FGD2: variants seen among roughly 807,000 people sequenced by gnomAD.
The protein encoded by FGD2 is FYVE, RhoGEF and PH domain containing 2.
In FGD2, 52 loss-of-function variants were observed where a neutral mutation model predicts 75.9. The observed-to-expected ratio is 0.69, with a 90% CI of 0.55 to 0.86. The LOEUF (loss-of-function observed/expected upper bound fraction) is 0.86, where lower values mean the gene tolerates loss of function less well. Among genes scored for constraint, FGD2 ranks in the 40% least tolerant of loss-of-function variants. The probability of loss-of-function intolerance (pLI) is 0.00; values close to 1 mark genes in which losing one functional copy is unlikely to be tolerated. For missense variants in FGD2, 790 were observed against 872.0 expected (o/e 0.91, Z 1.18); for synonymous variants, 347 against 348.6 (o/e 1.00, Z 0.05).
intron 9 of FGD2, among the ~76,000 whole-genome samples, chr6:37,017,097 C>T (rs1048799432): frequency 3.3e-5 from 5 of 151,812 alleles, no homozygotes; most frequent in East Asian, 1.9e-4. Context: ...CATTTTTCTG[C>T]ACTTTGCTTT....
At chr6:37,022,394 T>TGCCTCCACCTGCGTCACCCAG in intron 13 of FGD2, 24 bp downstream of exon 13, 1 of 1,546,156 alleles carries the variant, frequency 6.5e-7, no homozygotes, top group South Asian at 1.2e-5. Flanking sequence ...CCAGCACTCC[T>TGCCTCCACCTGCGTCACCCAG]GCCTCCACCT....
At chr6:37,027,831 C>A in intron 15 of FGD2, 117 bp from the exon 16 acceptor site, 2 of 1,240,960 alleles carry the variant, frequency 1.6e-6, no homozygotes, top group Non-Finnish European at 2.3e-6. Context: ...AGCCCACCCC[C>A]AACCCATGGG....
Position 37,025,949 on chromosome 6 carries a change from C to G in FGD2, c.1605+11C>G, listed in dbSNP as rs376921344. Reference sequence around the variant, plus strand: ...CGGGGCATCCTGGAGGTGAGGGCCACTGTCCCCGCGCTCACCATCCGTCCT... The same window carrying G: ...CGGGGCATCCTGGAGGTGAGGGCCAGTGTCCCCGCGCTCACCATCCGTCCT... On this transcript the variant is annotated intron_variant, in intron 14 of 15. Transcript: ENST00000274963. 3 of 1,613,316 alleles carry G rather than the reference C, an allele frequency of 1.9e-6. No individual in the cohort carries two copies. The highest frequency in any genetic ancestry group is 2.5e-6 in the Non-Finnish European group (3 of 1,179,784).
In FGD2 at chr6:37,014,649, C is replaced by G; in HGVS notation, c.827C>G (p.Ala276Gly). ...QAPDQADAQK[A>G]LDMIFSAAQH... is the part of the protein sequence containing the mutation. The stretch of plus-strand genomic sequence containing the variant: ...ACTCCGGCCCTGCCCCTTTCAGAAG[C>G]CCTGGACATGATCTTCTCAGCTGCC... The change falls in exon 7 of 16, where the codon GCC (alanine) becomes GGC (glycine). Residue 276 changes from alanine (A) to glycine (G), a missense_variant. Coordinates refer to ENST00000274963, the MANE Select transcript of FGD2 (RefSeq NM_173558.4). 6.2e-7 allele frequency: 1 copy of G among 1,613,886 alleles called. No homozygotes were observed. Among genetic ancestry groups the G allele is most frequent in the Admixed American group, 1.7e-5 (1 of 60,008 alleles).
chr6:37,021,128 TTGTG>T (rs974896637), intron 11 of FGD2, among the ~76,000 whole-genome samples: 1 of 150,630 alleles, frequency 6.6e-6, no homozygotes, highest in African/African-American at 2.4e-5. Context: ...GTATGTGTCT[TTGTG>T]TGTCTGTGTT....
chr6:37,021,395 C>T (rs550112981), intron 11 of FGD2, 117 bp from the exon 12 acceptor site: 77 of 834,380 alleles, frequency 9.2e-5, no homozygotes, highest in Admixed American at 1.3e-4. Context: ...TAGAATCCAG[C>T]GCCTGGTACC....
intron 13 of FGD2, 178 bp from the exon 14 acceptor site, chr6:37,025,614 C>T (rs2296933): frequency 0.069 from 44,479 of 642,374 alleles, 2,976 homozygotes; most frequent in East Asian, 0.31. Flanking sequence ...AGCCTCCAGG[C>T]AGTTGGGCCT....
At chr6:37,014,566 T>C in intron 6 of FGD2, 80 bp from the exon 7 acceptor site, 3 of 1,539,586 alleles carry the variant, frequency 1.9e-6, no homozygotes, top group East Asian at 2.3e-5. Flanking sequence ...TGAGGGCCCT[T>C]TGTTGAACTT....
At chr6:37,027,037 G>A (rs892393091) in intron 14 of FGD2, among the ~76,000 whole-genome samples, 2 of 150,270 alleles carry the variant, frequency 1.3e-5, no homozygotes, top group South Asian at 2.1e-4. Context: ...CTTTTTCCAC[G>A]GGCATCCACC....
At chr6:37,011,205 G>A in intron 3 of FGD2, 155 bp downstream of exon 3, 1 of 702,334 alleles carries the variant, frequency 1.4e-6, no homozygotes, top group East Asian at 2.7e-5. Context: ...GGCTGGGGTT[G>A]GGGTAGAATC....
chr6:37,019,874 A>T (rs831505), intron 9 of FGD2, among the ~76,000 whole-genome samples: 63,276 of 140,728 alleles, frequency 0.45, 14,176 homozygotes, highest in South Asian at 0.55. Flanking sequence ...TTTTTTTGAG[A>T]CAGAGTCTCC....
At chr6:37,008,690 C>T (rs831511) in intron 1 of FGD2, 144 bp from the exon 2 acceptor site, 155,174 of 596,638 alleles carry the variant, frequency 0.26, 21,895 homozygotes, top group East Asian at 0.5. Context: ...AAGTCTTACT[C>T]AGCATGTTCC....
intron 9 of FGD2, among the ~76,000 whole-genome samples, chr6:37,016,280 T>G (rs1765288486): frequency 6.6e-6 from 1 of 152,182 alleles, no homozygotes; most frequent in Non-Finnish European, 1.5e-5. Context: ...TGACCCCACC[T>G]GCAGGATTGT....
chr6:37,013,450 G>T, intron 4 of FGD2, 159 bp from the exon 5 acceptor site: 1 of 1,431,528 alleles, frequency 7.0e-7, no homozygotes. Context: ...AAGGAGTAGA[G>T]GGGCGCATGT....
chr6:37,022,264 G>A lies in FGD2; in HGVS notation c.1352G>A (p.Arg451Gln), dbSNP rs751618373. 1.1e-5 allele frequency: 18 copies of A among 1,592,874 alleles called. No homozygotes were observed. Among genetic ancestry groups the A allele is most frequent in the Non-Finnish European group, 1.5e-5 (17 of 1,169,732 alleles). ...CTGCAGTCTGAGGAGCTGGGCCTCC[G>A]GGCACCGCAGTGGGTCCGGGACAAG... Reference protein sequence around the residue: ...QELQSEELGLRAPQWVRDKMV... With the variant: ...QELQSEELGLQAPQWVRDKMV... Residue 451 changes from arginine to glutamine, a missense_variant, in exon 13 of 16, where the codon CGG (arginine) becomes CAG (glutamine). Transcript: ENST00000274963.
rs539732267 is a variant in FGD2 at position 37,005,847 on chromosome 6, A to G, written c.30A>G (p.Ala10=). 2.2e-4 allele frequency: 348 copies of G among 1,613,956 alleles called. 6 individuals carry two copies. The South Asian group carries it at 3.7e-3, about 17-fold the overall frequency. The change falls in exon 1 of 16, where the codon GCA becomes GCG. Residue 10 remains alanine, a synonymous_variant. Transcript: ENST00000274963. MKGASEEKL[A]SVSNLVTVFE... ...AGGGGGCAAGTGAGGAGAAGCTGGC[A>G]TCTGTGTCCAACCTGGTCACTGTGT...
chr6:37,011,669 T>C lies in FGD2; in HGVS notation c.379-37T>C, dbSNP rs558895696. 11 of 1,613,080 alleles carry C rather than the reference T, an allele frequency of 6.8e-6. No homozygotes were observed. The Admixed American group carries it at 1.3e-4, about 20-fold the overall frequency. On this transcript the variant is annotated intron_variant, in intron 3 of 15. Coordinates refer to ENST00000274963, the MANE Select transcript of FGD2 (RefSeq NM_173558.4). Reference sequence around the variant, plus strand: ...CCGGGCTGATGTGTGGGTGGCTCCCTGTCACTGCAGTGAGTGACCTGTCGT... The same window carrying C: ...CCGGGCTGATGTGTGGGTGGCTCCCCGTCACTGCAGTGAGTGACCTGTCGT...
Position 37,025,877 on chromosome 6 carries a change from C to A in FGD2, c.1544C>A (p.Ala515Glu), listed in dbSNP as rs1336695000. The A allele has an allele frequency of 1.9e-6, 3 of 1,614,118 alleles. No homozygotes were observed. Among genetic ancestry groups the A allele is most frequent in the African/African-American group, 2.7e-5 (2 of 74,950 alleles). Residue 515 changes from alanine to glutamate, a missense_variant, in exon 14 of 16, where the codon GCA becomes GAA. Coordinates refer to ENST00000274963, the MANE Select transcript of FGD2 (RefSeq NM_173558.4). ...AACCGAGTCTGCCTCCACTGCTACG[C>A]ATTCCTCACTGGAAATGTGCTGCCT... Reference protein sequence around the residue: ...RPNRVCLHCYAFLTGNVLPEA... With the variant: ...RPNRVCLHCYEFLTGNVLPEA...
intron 13 of FGD2, chr6:37,025,526 G>A: frequency 2.0e-6 from 1 of 498,438 alleles, no homozygotes; most frequent in Non-Finnish European, 3.7e-6. Context: ...GGGGAGAGAA[G>A]TTACGGCCCT....
Sources: gnomAD v4.1 joint callset for allele counts (sites outside exome capture counted in the v4.1 genomes callset) on GRCh38, gnomAD v4.1.1 for gene constraint, MANE v1.5 for transcripts, NCBI Gene and HGNC (gene_info 2026-07-23, HGNC 2026-07-21) for gene names.